Variants in HSPG2 observed in about 807,000 individuals in gnomAD.
HSPG2 encodes the protein basement membrane-specific heparan sulfate proteoglycan core protein.
In HSPG2, 278 loss-of-function variants were observed where a neutral mutation model predicts 526.6. That is an observed-to-expected ratio of 0.53 (90% CI 0.48 to 0.58). The LOEUF (loss-of-function observed/expected upper bound fraction) is 0.58, where lower values mean the gene tolerates loss of function less well. HSPG2 is among the 20% of genes least tolerant of loss of function. The pLI is 0.00. For synonymous variants in HSPG2, 2,465 were observed against 2,555.4 expected, an observed-to-expected ratio of 0.96 and a Z score of 1.07; for missense variants, 5,354 against 6,099.5, an observed-to-expected ratio of 0.88 and a Z score of 4.07.
chr1:21,906,634 C>A (rs546065917), intron 1 of HSPG2, among the ~76,000 whole-genome samples: 1 of 144,840 alleles, frequency 6.9e-6, no homozygotes, highest in Non-Finnish European at 1.5e-5. Context: ...GGAATAGGCG[C>A]GGGGGAGACA....
At chr1:21,857,977 C>T (rs1412785369) in intron 42 of HSPG2, among the ~76,000 whole-genome samples, 2 of 152,196 alleles carry the variant, frequency 1.3e-5, no homozygotes, top group African/African-American at 2.4e-5. Context: ...GCAACATCAG[C>T]GTCTCCTCCT....
rs1254541987 is a variant in HSPG2, at chr1:21,843,377, C to G, written c.8678G>C (p.Cys2893Ser). The change falls in exon 66 of 97, where the codon TGC becomes TCC. Residue 2893 changes from cysteine to serine, a missense_variant. By Grantham distance (112) the Cys-to-Ser change is moderately radical. Coordinates refer to ENST00000374695, the MANE Select transcript of HSPG2 (RefSeq NM_005529.7). ...VSPADSGEYS[C>S]QVTGSSGTLE... ...GGTGCCTGAGCTTCCGGTCACTTGGCACGAGTACTCGCCAGAGTCAGCCGG... is the reference window on the plus strand; with the variant it reads ...GGTGCCTGAGCTTCCGGTCACTTGGGACGAGTACTCGCCAGAGTCAGCCGG... 6.2e-7 allele frequency: 1 copy of G among 1,614,028 alleles called. No homozygotes were observed. The highest frequency in any genetic ancestry group is 1.7e-5 in the Admixed American group (1 of 60,002).
rs896448462 is a variant in HSPG2 at position 21,859,285 on chromosome 1, G to C, written c.5293+281C>G. 1.3e-5 allele frequency among the ~76,000 whole-genome samples: 2 copies of C among 152,112 alleles called. No homozygotes were observed. The highest frequency in any genetic ancestry group is 4.8e-5 in the African/African-American group (2 of 41,422). ...GCTGGTCTCGAACTCCTGACCTCAT[G>C]ATCTGCCCACCTTGGCCTCCCAAAG... On this transcript the variant is annotated intron_variant, in intron 42 of 96. Transcript: ENST00000374695. The surrounding 1 kb of genome is among the most constrained non-coding windows in gnomAD (Gnocchi z 5.3).
In HSPG2 at chr1:21,874,394, G is replaced by A. The variant is rs149996857; in HGVS notation, c.3656+12C>T. The A allele has an allele frequency of 5.2e-5, 84 of 1,611,254 alleles. No individual in the cohort carries two copies. The African/African-American group carries it at 1.0e-3, about 20-fold the overall frequency. ...TCAGGGAAGGGCAGGTGCAGGCAGG[G>A]ACTGGACGCACTGGCCGGCAGCAGG... On this transcript the variant is annotated intron_variant, in intron 28 of 96. Coordinates refer to ENST00000374695, the MANE Select transcript of HSPG2 (RefSeq NM_005529.7).
rs748469684 is a variant in HSPG2, at chr1:21,832,621, C to T, written c.11096-15G>A. 2 of 1,604,712 alleles carry T rather than the reference C, an allele frequency of 1.2e-6. No homozygotes were observed. The highest frequency in any genetic ancestry group is 2.2e-5 in the East Asian group (1 of 44,832). On this transcript the variant is annotated splice_polypyrimidine_tract_variant and intron_variant, in intron 80 of 96. Coordinates refer to ENST00000374695, the MANE Select transcript of HSPG2 (RefSeq NM_005529.7). ...CAGCAGCATCCCTGGGTGGGCACCA[C>T]TGTGTAAGGGGCCCCCTTCCAGCCA...
chr1:21,895,953 A>G lies in HSPG2; in HGVS notation c.213T>C (p.Ser71=). The G allele has an allele frequency of 6.2e-7, 1 of 1,614,084 alleles. No homozygotes were observed. The highest frequency in any genetic ancestry group is 8.5e-7 in the Non-Finnish European group (1 of 1,179,946). ...GGAAGTCCCCGCTGCCCAGGTCCCCACTGCCCAGGTCGTCTATAAGCAAAA... is the reference window on the plus strand; with the variant it reads ...GGAAGTCCCCGCTGCCCAGGTCCCCGCTGCCCAGGTCGTCTATAAGCAAAA... ...ADSISGDDLG[S]GDLGSGDFQM... Residue 71 remains serine, a synonymous_variant, in exon 3 of 97, where the codon AGT becomes AGC. Coordinates refer to ENST00000374695, the MANE Select transcript of HSPG2 (RefSeq NM_005529.7). This position sits in a 1 kb window ranked among gnomAD's most constrained non-coding sequence, Gnocchi z 4.1.
chr1:21,857,171 T>C lies in HSPG2; in HGVS notation c.5419A>G (p.Thr1807Ala), dbSNP rs1015122535. The C allele has an allele frequency of 1.2e-6, 2 of 1,613,530 alleles. No homozygotes were observed. Among genetic ancestry groups the C allele is most frequent in the Non-Finnish European group, 1.7e-6 (2 of 1,179,882 alleles). Reference protein sequence around the residue: ...SKSPAYTLVWTRLHNGKLPTR... With the variant: ...SKSPAYTLVWARLHNGKLPTR... ...GGCAGTTTCCCGTTGTGCAGGCGGG[T>C]CCACACCAGGGTATAGGCTGGGGAC... The change falls in exon 44 of 97, where the codon ACC (threonine) becomes GCC (alanine). Residue 1807 changes from threonine to alanine, a missense_variant. Thr to Ala is a moderately conservative substitution (Grantham distance 58). Transcript: ENST00000374695.
chr1:21,832,759 T>A (rs2098010008), intron 80 of HSPG2, 153 bp from the exon 81 acceptor site: 4 of 636,418 alleles, frequency 6.3e-6, no homozygotes, highest in Non-Finnish European at 1.1e-5. Context: ...CTTCTCACTA[T>A]CTCAGGGCTG....
intron 1 of HSPG2, among the ~76,000 whole-genome samples, chr1:21,921,879 C>T (rs1416984614): frequency 6.6e-6 from 1 of 152,152 alleles, no homozygotes; most frequent in Non-Finnish European, 1.5e-5. Flanking sequence ...CTTCGGCCCC[C>T]TGCACTCACA....
At position 21,878,420 on chromosome 1, in the gene HSPG2, C is replaced by A; in HGVS notation, c.2617+13G>T. 1 of 1,598,402 alleles carries A rather than the reference C, an allele frequency of 6.3e-7. No homozygotes were observed. The highest frequency in any genetic ancestry group is 8.5e-7 in the Non-Finnish European group (1 of 1,170,924). On this transcript the variant is annotated intron_variant, in intron 20 of 96. Transcript: ENST00000374695. ...GGAGGTGGGTGTCAGGGGATGGTGG[C>A]AGCCATACTCACTGACGGGCCTGCA...
Position 21,872,448 on chromosome 1 carries a change from G to C in HSPG2, c.4030-71C>G. The C allele has an allele frequency of 6.9e-7, 1 of 1,451,016 alleles. No homozygotes were observed. Among genetic ancestry groups the C allele is most frequent in the African/African-American group, 1.4e-5 (1 of 71,238 alleles). The allele number at this position is 1,451,016 out of a possible 1,614,324, so 89.9% of individuals were successfully genotyped here. A position where few individuals can be genotyped will look rare whatever the true frequency, so the allele number is the denominator to read the frequency against. ...CCTTGGTGGGGGATGGGGCACGGGA[G>C]GGTGTTAAGGTGCGGAATGGGGTCC... On this transcript the variant is annotated intron_variant, in intron 32 of 96. Coordinates refer to ENST00000374695, the MANE Select transcript of HSPG2 (RefSeq NM_005529.7). The surrounding 1 kb of genome is among the most constrained non-coding windows in gnomAD (Gnocchi z 5.5).
rs535315286 is a variant in HSPG2 at position 21,846,932 on chromosome 1, G to A, written c.8165-333C>T. ...GGAGAATCGCTTGAACCTGGAAGGCGGAAGTTGCAGTGAGTTGAGATCGCG... is the reference window on the plus strand; with the variant it reads ...GGAGAATCGCTTGAACCTGGAAGGCAGAAGTTGCAGTGAGTTGAGATCGCG... On this transcript the variant is annotated intron_variant, in intron 62 of 96. Transcript: ENST00000374695. Among the ~76,000 whole-genome samples the A allele has an allele frequency of 2.5e-4, 38 of 152,204 alleles. 1 individual carries two copies. The South Asian group carries it at 7.1e-3, about 28-fold the overall frequency.
chr1:21,830,754 G>A (rs1377359558), intron 85 of HSPG2: 2 of 566,100 alleles, frequency 3.5e-6, no homozygotes, highest in Non-Finnish European at 6.3e-6. Flanking sequence ...GCGGGGTAGT[G>A]GTAAGAATTT....
Position 21,822,995 on chromosome 1 carries a change from C to T in HSPG2, c.*321G>A, listed in dbSNP as rs1001010448. The T allele has an allele frequency of 1.2e-5, 3 of 256,036 alleles. No individual in the cohort carries two copies. The highest frequency in any genetic ancestry group is 2.2e-5 in the Non-Finnish European group (3 of 135,094). 15.9% of individuals were successfully genotyped at this position (256,036 alleles called of 1,614,324 possible). The stretch of plus-strand genomic sequence containing the variant: ...GGCTGCAGAAACAGGCCACCCAGCT[C>T]TATCTGGGGGCTCCATCGGTGGGTA... On this transcript the variant is annotated 3_prime_UTR_variant, in exon 97 of 97. Transcript: ENST00000374695.
Position 21,845,681 on chromosome 1 carries a change from A to G in HSPG2, c.8464+427T>C, listed in dbSNP as rs569817598. Among the ~76,000 whole-genome samples the G allele has an allele frequency of 1.1e-4, 17 of 152,270 alleles. No individual in the cohort carries two copies. In the South Asian group the frequency reaches 3.5e-3, roughly 32 times the overall value. Reference sequence around the variant, plus strand: ...GGTGGGAGCTACCACACCGGCTCTAATAAAGATGTGTAAATCACCCTCCAA... The same window carrying G: ...GGTGGGAGCTACCACACCGGCTCTAGTAAAGATGTGTAAATCACCCTCCAA... On this transcript the variant is annotated intron_variant, in intron 64 of 96. Coordinates refer to ENST00000374695, the MANE Select transcript of HSPG2 (RefSeq NM_005529.7).
chr1:21,935,502 A>G (rs1266968960), intron 1 of HSPG2, among the ~76,000 whole-genome samples: 2 of 152,236 alleles, frequency 1.3e-5, no homozygotes, highest in Admixed American at 1.3e-4. Flanking sequence ...ATATCTGCCC[A>G]AAGAATGAAC....
Position 21,842,305 on chromosome 1 carries a change from C to G in HSPG2, c.8986G>C (p.Gly2996Arg). The change falls in exon 68 of 97, where the codon GGC (glycine) becomes CGC (arginine). Residue 2996 changes from glycine (G) to arginine (R), a missense_variant. By Grantham distance (125) the Gly-to-Arg change is moderately radical. Coordinates refer to ENST00000374695, the MANE Select transcript of HSPG2 (RefSeq NM_005529.7). Reference protein sequence around the residue: ...SGEYVCRAASGPGPEQEASFT... With the variant: ...SGEYVCRAASRPGPEQEASFT... ...GAGGCTTCTTGCTCAGGGCCTGGGC[C>G]GCTGGCTGCACGACACACATACTCG... The G allele has an allele frequency of 3.1e-6, 5 of 1,613,246 alleles. No individual in the cohort carries two copies. The highest frequency in any genetic ancestry group is 4.2e-6 in the Non-Finnish European group (5 of 1,179,762).
At chr1:21,852,055 A>G (rs1353303354) in intron 53 of HSPG2, 33 bp downstream of exon 53, 3 of 1,612,006 alleles carry the variant, frequency 1.9e-6, no homozygotes, top group Non-Finnish European at 2.5e-6. Flanking sequence ...CCCACTGTCC[A>G]TGGCCCCGTC....
chr1:21,937,162 A>G lies in HSPG2; in HGVS notation c.56T>C (p.Leu19Pro). The change falls in exon 1 of 97, where the codon CTG (leucine) becomes CCG (proline). Residue 19 changes from leucine (L) to proline (P), a missense_variant. By Grantham distance (98) the Leu-to-Pro change is moderately conservative. Transcript: ENST00000374695. ...LLLALLLHGRLLAVTHGLRAY... is the reference protein window; with the variant it reads ...LLLALLLHGRPLAVTHGLRAY... ...TCTGCCCCGCACACTCACCGCCAGC[A>G]GCCGCCCGTGCAGCAGCAGCGCCAG... 1.0e-6 allele frequency: 1 copy of G among 977,160 alleles called. No individual in the cohort carries two copies. Among genetic ancestry groups the G allele is most frequent in the African/African-American group, 2.2e-5 (1 of 45,850 alleles). 60.5% of individuals were successfully genotyped at this position (977,160 alleles called of 1,614,324 possible).
Sources: gnomAD v4.1 joint callset for allele counts (sites outside exome capture counted in the v4.1 genomes callset) on GRCh38, gnomAD v4.1.1 for gene constraint, Gnocchi (gnomAD v3.1) non-coding constraint, MANE v1.5 for transcripts, NCBI Gene and HGNC (gene_info 2026-07-23, HGNC 2026-07-21) for gene names.